The following CFAP77 variants were observed in gnomAD, a reference collection of about 807,000 sequenced individuals.
CFAP77 encodes cilia- and flagella-associated protein 77.
CFAP77 carries 25 observed loss-of-function variants against 31.1 expected under a neutral mutation model. That is an observed-to-expected ratio of 0.80 (90% CI 0.59 to 1.12). The LOEUF (loss-of-function observed/expected upper bound fraction) is 1.12, where lower values mean the gene tolerates loss of function less well. CFAP77 is among the 50% of genes most tolerant of loss of function. The pLI is 0.00. For synonymous variants in CFAP77, 151 were observed against 159.9 expected (o/e 0.94, Z 0.42); for missense variants, 377 against 397.3 (o/e 0.95, Z 0.44).
chr9:132,547,262 C>A (rs1852747788), intron 5 of CFAP77, among the ~76,000 whole-genome samples: 1 of 152,172 alleles, frequency 6.6e-6, no homozygotes, highest in African/African-American at 2.4e-5. Flanking sequence ...GGTGACCCTG[C>A]CACACCTACC....
At chr9:132,438,685 G>A (rs1027775303) in intron 1 of CFAP77, among the ~76,000 whole-genome samples, 4 of 145,756 alleles carry the variant, frequency 2.7e-5, no homozygotes, top group African/African-American at 1.0e-4. Flanking sequence ...ACTAGCACAT[G>A]CCAACATGCC....
intron 3 of CFAP77, among the ~76,000 whole-genome samples, chr9:132,522,976 A>T (rs1371595346): frequency 6.6e-6 from 1 of 152,122 alleles, no homozygotes; most frequent in African/African-American, 2.4e-5. Flanking sequence ...AAAGGATCAT[A>T]TACAACCACT....
intron 1 of CFAP77, among the ~76,000 whole-genome samples, chr9:132,440,838 G>A (rs559788961): frequency 9.2e-5 from 14 of 152,256 alleles, no homozygotes; most frequent in African/African-American, 2.9e-4. Context: ...ACCTGGGTCG[G>A]ACGCTGCAAG....
At chr9:132,544,791 C>T (rs1852707778) in intron 5 of CFAP77, among the ~76,000 whole-genome samples, 1 of 152,186 alleles carries the variant, frequency 6.6e-6, no homozygotes, top group South Asian at 2.1e-4. Flanking sequence ...TCACCATGCT[C>T]AGCTACCTCC....
intron 1 of CFAP77, among the ~76,000 whole-genome samples, chr9:132,431,336 T>C (rs1850407905): frequency 6.6e-6 from 1 of 152,152 alleles, no homozygotes; most frequent in African/African-American, 2.4e-5. Flanking sequence ...AATGGGTCAG[T>C]CACAATGTCC....
chr9:132,415,906 G>A (rs940634084), intron 1 of CFAP77, among the ~76,000 whole-genome samples: 1 of 152,134 alleles, frequency 6.6e-6, no homozygotes, highest in African/African-American at 2.4e-5. Context: ...TATATTTAAA[G>A]TTTAATAAAA....
At chr9:132,437,452 C>CT (rs1850522004) in intron 1 of CFAP77, among the ~76,000 whole-genome samples, 1 of 150,690 alleles carries the variant, frequency 6.6e-6, no homozygotes, top group Non-Finnish European at 1.5e-5. Flanking sequence ...GAAGTCTGGA[C>CT]TTCGTCCGAG....
rs1163230079 is a variant in CFAP77, at chr9:132,432,667, G to GA, written c.195+22202dup. 7.2e-5 allele frequency among the ~76,000 whole-genome samples: 11 copies of GA among 151,854 alleles called. 1 individual carries two copies. Among genetic ancestry groups the GA allele is most frequent in the African/African-American group, 2.7e-4 (11 of 41,328 alleles). ...CTGCCTCAGCCACCTGAGTAGCTGG[G>GA]ACTATAGGCATGCGCCACCACACCC... On this transcript the variant is annotated intron_variant, in intron 1 of 5. Transcript: ENST00000393216.
rs1054525107 is a variant in CFAP77 at position 132,499,247 on chromosome 9, A to G, written c.296-125A>G. 1 of 808,002 alleles carries G rather than the reference A, an allele frequency of 1.2e-6. No individual in the cohort carries two copies. The highest frequency in any genetic ancestry group is 2.5e-5 in the Admixed American group (1 of 39,310). 50.1% of individuals were successfully genotyped at this position (808,002 alleles called of 1,614,324 possible). A position where few individuals can be genotyped will look rare whatever the true frequency, so the allele number is the denominator to read the frequency against. On this transcript the variant is annotated intron_variant, in intron 2 of 5. Transcript: ENST00000393216. This position sits in a 1 kb window ranked among gnomAD's most constrained non-coding sequence, Gnocchi z 5.4. ...TTTCTGGGGGCCAGGCAGGGTTGTC[A>G]CCCAGTAGGCTCAGGTAAATGGGAA...
intron 1 of CFAP77, among the ~76,000 whole-genome samples, chr9:132,493,237 G>C (rs1851678395): frequency 1.3e-5 from 2 of 152,170 alleles, no homozygotes; most frequent in Non-Finnish European, 2.9e-5. Flanking sequence ...CTTCTTGGCT[G>C]AATTCCTGGG....
intron 1 of CFAP77, among the ~76,000 whole-genome samples, chr9:132,413,584 G>C (rs1324078744): frequency 6.6e-6 from 1 of 152,176 alleles, no homozygotes; most frequent in African/African-American, 2.4e-5. Flanking sequence ...CCAGAATTCT[G>C]TGACTCCACA....
At chr9:132,450,020 C>T (rs1162197495) in intron 1 of CFAP77, among the ~76,000 whole-genome samples, 1 of 152,180 alleles carries the variant, frequency 6.6e-6, no homozygotes, top group African/African-American at 2.4e-5. Flanking sequence ...TCACGCCATG[C>T]TCCTGCCTCA....
intron 3 of CFAP77, among the ~76,000 whole-genome samples, chr9:132,530,128 TTTC>T (rs975637720): frequency 6.7e-6 from 1 of 148,198 alleles, no homozygotes; most frequent in African/African-American, 2.5e-5. Context: ...CTTTTCTTTC[TTTC>T]TTTTCTTTTT....
At chr9:132,525,647 A>G (rs752800551) in intron 3 of CFAP77, among the ~76,000 whole-genome samples, 1 of 152,104 alleles carries the variant, frequency 6.6e-6, no homozygotes, top group Non-Finnish European at 1.5e-5. Flanking sequence ...TGTGTGATGT[A>G]TTTAGTTCTT....
intron 3 of CFAP77, among the ~76,000 whole-genome samples, chr9:132,526,624 AAAAG>A (rs1453365247): frequency 2.2e-5 from 3 of 133,476 alleles, no homozygotes; most frequent in Non-Finnish European, 3.4e-5. Flanking sequence ...AATAAAGAAA[AAAAG>A]AGAGAAGAAT....
chr9:132,553,165 G>A (rs143925270), intron 5 of CFAP77, among the ~76,000 whole-genome samples: 11 of 152,324 alleles, frequency 7.2e-5, no homozygotes, highest in Non-Finnish European at 1.5e-4. Context: ...GAGAGAGAGA[G>A]GAAGCACACA....
chr9:132,531,315 T>C (rs1852443740), intron 3 of CFAP77, among the ~76,000 whole-genome samples: 1 of 152,178 alleles, frequency 6.6e-6, no homozygotes, highest in Admixed American at 6.5e-5. Flanking sequence ...GTGATGTTGG[T>C]GGCCAATGGC....
At chr9:132,560,414 A>C (rs1268043328) in intron 5 of CFAP77, among the ~76,000 whole-genome samples, 1 of 151,982 alleles carries the variant, frequency 6.6e-6, no homozygotes, top group Non-Finnish European at 1.5e-5. Flanking sequence ...TCACACACAC[A>C]CCCCACCTTG....
chr9:132,442,721 T>C (rs1793164609), intron 1 of CFAP77, among the ~76,000 whole-genome samples: 1 of 152,112 alleles, frequency 6.6e-6, no homozygotes, highest in Non-Finnish European at 1.5e-5. Context: ...TACTTATTTT[T>C]TGTAGAGATG....
Sources: gnomAD v4.1 joint callset for allele counts (sites outside exome capture counted in the v4.1 genomes callset) on GRCh38, gnomAD v4.1.1 for gene constraint, Gnocchi (gnomAD v3.1) non-coding constraint, MANE v1.5 for transcripts, NCBI Gene and HGNC (gene_info 2026-07-23, HGNC 2026-07-21) for gene names.